The following USP53 variants were observed in gnomAD, a reference collection of about 807,000 sequenced individuals.
The protein encoded by USP53 is ubiquitin specific peptidase 53.
In USP53, 71 loss-of-function variants were observed where a neutral mutation model predicts 94.9. The ratio of observed to expected loss-of-function variants is 0.75; its 90% CI spans 0.62 to 0.91. The LOEUF (loss-of-function observed/expected upper bound fraction) is 0.91, where lower values mean the gene tolerates loss of function less well. Ranked by LOEUF, USP53 falls within the 40% of genes least tolerant of loss-of-function variation. The pLI is 0.00. For missense variants in USP53, 1,173 were observed against 1,281.0 expected (o/e 0.92, Z 1.29); for synonymous variants, 375 against 422.7 (o/e 0.89, Z 1.39).
intron 3 of USP53, chr4:119,219,530 C>G (rs893847597): frequency 2.6e-5 from 4 of 152,212 alleles, no homozygotes; most frequent in Non-Finnish European, 5.9e-5. Context: ...ATTCATAGGT[C>G]TGGGACTTGG....
chr4:119,245,436 T>G lies in USP53; in HGVS notation c.237+7T>G. The G allele has an allele frequency of 6.2e-7, 1 of 1,611,566 alleles. No homozygotes were observed. The highest frequency in any genetic ancestry group is 8.5e-7 in the Non-Finnish European group (1 of 1,178,464). On this transcript the variant is annotated splice_region_variant and intron_variant, in intron 6 of 18. Coordinates refer to ENST00000692078, the MANE Select transcript of USP53 (RefSeq NM_001371395.1). ...TATATTTTGTGCATTGAAGGTAACC[T>G]TTTAATAGCTCTGAAAAACTACTAT...
At chr4:119,249,052 T>C (rs1377104666) in intron 7 of USP53, among the ~76,000 whole-genome samples, 170 bp downstream of exon 7, 1 of 152,172 alleles carries the variant, frequency 6.6e-6, no homozygotes, top group Non-Finnish European at 1.5e-5. Flanking sequence ...AATCCATCTG[T>C]GTTTTGTGTT....
intron 12 of USP53, among the ~76,000 whole-genome samples, chr4:119,264,731 C>A (rs1237567770): frequency 6.6e-6 from 1 of 152,200 alleles, no homozygotes; most frequent in Non-Finnish European, 1.5e-5. Context: ...GATGGAACCA[C>A]AAAATTGAAC....
Position 119,294,478 on chromosome 4 carries a change from C to T in USP53, c.*1267C>T, listed in dbSNP as rs748493559. The stretch of plus-strand genomic sequence containing the variant: ...ATAAGTTACTTTAATTGCTTTATTT[C>T]GTTAGTTGTCATTTTATTTTGTACT... On this transcript the variant is annotated 3_prime_UTR_variant, in exon 19 of 19. Transcript: ENST00000692078. 53 of 151,912 alleles carry T rather than the reference C, an allele frequency of 3.5e-4. No homozygotes were observed. The highest frequency in any genetic ancestry group is 6.6e-4 in the Admixed American group (10 of 15,258). The allele number at this position is 151,912 out of a possible 1,614,324, so 9.4% of individuals were successfully genotyped here.
At chr4:119,270,021 T>G (rs1751648071) in intron 15 of USP53, among the ~76,000 whole-genome samples, 184 bp downstream of exon 15, 1 of 145,668 alleles carries the variant, frequency 6.9e-6, no homozygotes, top group Non-Finnish European at 1.5e-5. Context: ...TATATTTCTG[T>G]ATATGTATAA....
chr4:119,256,623 T>G (rs1749805459), intron 9 of USP53, 100 bp downstream of exon 9: 1 of 1,218,448 alleles, frequency 8.2e-7, no homozygotes, highest in Non-Finnish European at 1.2e-6. Context: ...GAATTTCCCC[T>G]CTCTGTCTGA....
In USP53 at chr4:119,217,063, G is replaced by C. The variant is rs1743869255; in HGVS notation, c.-788-487G>C. ...ATGATGAAACTGATAGATTTTTAAT[G>C]ATTGAGTAGTTGAGCAATGTGTTGT... On this transcript the variant is annotated intron_variant, in intron 2 of 18. Transcript: ENST00000692078. Among the ~76,000 whole-genome samples, 3 of 152,220 alleles carry C rather than the reference G, an allele frequency of 2.0e-5. No homozygotes were observed. In the South Asian group the frequency reaches 6.2e-4, roughly 32 times the overall value.
intron 18 of USP53, among the ~76,000 whole-genome samples, chr4:119,291,582 A>G (rs1237705282): frequency 5.3e-5 from 8 of 152,198 alleles, no homozygotes; most frequent in African/African-American, 1.9e-4. Flanking sequence ...TACCTAGCAA[A>G]TCCTCAACTC....
At chr4:119,215,169 T>C (rs924487446) in intron 2 of USP53, among the ~76,000 whole-genome samples, 1 of 152,174 alleles carries the variant, frequency 6.6e-6, no homozygotes, top group African/African-American at 2.4e-5. Flanking sequence ...CATGAGCTCT[T>C]GTTTTAAGGA....
chr4:119,240,023 A>G, intron 5 of USP53, 120 bp downstream of exon 5: 1 of 1,051,490 alleles, frequency 9.5e-7, no homozygotes, highest in Non-Finnish European at 1.2e-6. Flanking sequence ...ACTTTTTAAT[A>G]TAACTTTAAA....
At chr4:119,262,853 A>G (rs1399598060) in intron 12 of USP53, among the ~76,000 whole-genome samples, 1 of 152,226 alleles carries the variant, frequency 6.6e-6, no homozygotes, top group African/African-American at 2.4e-5. Context: ...TTAAAAAAAC[A>G]TATATTCCTG....
chr4:119,239,998 C>T, intron 5 of USP53, 95 bp downstream of exon 5: 1 of 1,192,796 alleles, frequency 8.4e-7, no homozygotes, highest in Non-Finnish European at 1.1e-6. Flanking sequence ...AATAAAGTTA[C>T]TATAGACTAG....
intron 3 of USP53, among the ~76,000 whole-genome samples, chr4:119,231,323 G>A (rs925767131): frequency 6.6e-6 from 1 of 152,084 alleles, no homozygotes; most frequent in Non-Finnish European, 1.5e-5. Context: ...CAATAAAAAT[G>A]TACTTTTATT....
rs1252601629 is a variant in USP53 at position 119,294,086 on chromosome 4, A to G, written c.*875A>G. On this transcript the variant is annotated 3_prime_UTR_variant, in exon 19 of 19. Transcript: ENST00000692078. ...CTCGTTACTTTTTTTCTAATTTTAT[A>G]TGAAATGTGAAAGGTCTTTATTTTG... The G allele has an allele frequency of 1.3e-5, 2 of 152,098 alleles. No homozygotes were observed. The highest frequency in any genetic ancestry group is 2.4e-5 in the African/African-American group (1 of 41,434). The allele number at this position is 152,098 out of a possible 1,614,324, so 9.4% of individuals were successfully genotyped here.
chr4:119,268,330 G>A lies in USP53; in HGVS notation c.1198G>A (p.Ala400Thr), dbSNP rs754051343. The A allele has an allele frequency of 1.2e-6, 2 of 1,613,728 alleles. No homozygotes were observed. The highest frequency in any genetic ancestry group is 1.3e-5 in the African/African-American group (1 of 74,874). ...NLKENGFGDQ[A>T]KQRENQKFPT... ...AAAAGAAAATGGATTTGGTGATCAG[G>A]CAAAGCAGAGAGAAAATCAGAAATT... Residue 400 changes from alanine (A) to threonine (T), a missense_variant, in exon 14 of 19, where the codon GCA becomes ACA. Ala to Thr is a moderately conservative substitution (Grantham distance 58). Transcript: ENST00000692078.
At chr4:119,253,836 G>C (rs996403349) in intron 7 of USP53, among the ~76,000 whole-genome samples, 8 of 152,204 alleles carry the variant, frequency 5.3e-5, no homozygotes, top group African/African-American at 1.7e-4. Flanking sequence ...AATTTGGCAT[G>C]TTTTTACAGT....
At chr4:119,269,658 T>G (rs1751603016) in intron 14 of USP53, 33 bp from the exon 15 acceptor site, 2 of 1,313,016 alleles carry the variant, frequency 1.5e-6, no homozygotes, top group South Asian at 5.6e-5. Context: ...TGAAAAATGA[T>G]CTGTATCATA....
Position 119,239,448 on chromosome 4 carries a change from TA to T in USP53, c.-304del, listed in dbSNP as rs1338977458. 6.4e-5 allele frequency: 21 copies of T among 329,052 alleles called. No homozygotes were observed. Among genetic ancestry groups the T allele is most frequent in the Non-Finnish European group, 7.6e-5 (14 of 183,588 alleles). The allele number at this position is 329,052 out of a possible 1,614,324, so 20.4% of individuals were successfully genotyped here. ...TTCGTTCATCAGTATTTTTAGCCATTAAAAAAAATCGTTTTCATATTAACCT... is the reference window on the plus strand; with the variant it reads ...TTCGTTCATCAGTATTTTTAGCCATTAAAAAAATCGTTTTCATATTAACCT... On this transcript the variant is annotated 5_prime_UTR_variant, in exon 5 of 19. It removes the in-frame stop codon of an upstream open reading frame in the 5' UTR. Transcript: ENST00000692078.
intron 6 of USP53, among the ~76,000 whole-genome samples, 183 bp from the exon 7 acceptor site, chr4:119,248,565 G>T (rs1274352126): frequency 1.3e-5 from 2 of 152,052 alleles, no homozygotes; most frequent in Non-Finnish European, 2.9e-5. Flanking sequence ...TGATTTAGAG[G>T]CTGGTGCAAA....
Sources: gnomAD v4.1 joint callset for allele counts (sites outside exome capture counted in the v4.1 genomes callset) on GRCh38, gnomAD v4.1.1 for gene constraint, MANE v1.5 for transcripts, NCBI Gene and HGNC (gene_info 2026-07-23, HGNC 2026-07-21) for gene names.